Variants in GK5 observed in about 807,000 individuals in gnomAD.
GK5 encodes the protein ATP:glycerol 3-phosphotransferase 5.
Under a neutral mutation model 77.3 loss-of-function variants are expected in GK5, and 39 were observed. That is an observed-to-expected ratio of 0.50 (90% CI 0.39 to 0.66). The LOEUF (loss-of-function observed/expected upper bound fraction) is 0.66, where lower values mean the gene tolerates loss of function less well. Ranked by LOEUF, GK5 falls within the 30% of genes least tolerant of loss-of-function variation. The pLI, the probability that GK5 is intolerant of heterozygous loss-of-function variation, is 0.00. For missense variants in GK5, 487 were observed against 633.8 expected, an observed-to-expected ratio of 0.77 and a Z score of 2.49; for synonymous variants, 211 against 208.0, an observed-to-expected ratio of 1.01 and a Z score of -0.13.
At chr3:142,222,219 A>C (rs991154939) in intron 1 of GK5, among the ~76,000 whole-genome samples, 1 of 152,212 alleles carries the variant, frequency 6.6e-6, no homozygotes, top group Non-Finnish European at 1.5e-5. Flanking sequence ...TGTTCCCAAA[A>C]AACTCAAATT....
chr3:142,166,540 C>CT (rs531387504), intron 15 of GK5, among the ~76,000 whole-genome samples: 2,501 of 147,624 alleles, frequency 0.017, 29 homozygotes, highest in Non-Finnish European at 0.025. Context: ...AGCAAGAGAA[C>CT]TTTTTTTTTT....
At chr3:142,183,146 T>C in intron 9 of GK5, 97 bp from the exon 10 acceptor site, 1 of 1,078,002 alleles carries the variant, frequency 9.3e-7, no homozygotes, top group Non-Finnish European at 1.3e-6. Flanking sequence ...TGATTAAACA[T>C]CTTCGTTTCT....
chr3:142,157,553 C>T lies in GK5; in HGVS notation c.*8069G>A, dbSNP rs550966744. ...ACAATATAAAAATGGCTTTAATATA[C>T]CAACGTACAGATTATTCAGTTCCAT... is the stretch of plus-strand genomic sequence containing the variant. On this transcript the variant is annotated 3_prime_UTR_variant, in exon 16 of 16. Coordinates refer to ENST00000392993, the MANE Select transcript of GK5 (RefSeq NM_001039547.3). 19 of 152,244 alleles carry T rather than the reference C, an allele frequency of 1.2e-4. No homozygotes were observed. The South Asian group carries it at 3.7e-3, about 30-fold the overall frequency. 9.4% of individuals were successfully genotyped at this position (152,244 alleles called of 1,614,324 possible).
chr3:142,178,853 T>A (rs1014878721), intron 11 of GK5, among the ~76,000 whole-genome samples: 34 of 152,228 alleles, frequency 2.2e-4, no homozygotes, highest in African/African-American at 8.2e-4. Context: ...CAAATAGTTT[T>A]TCAAAGTGGC....
chr3:142,217,376 T>C (rs1456766778), intron 1 of GK5, among the ~76,000 whole-genome samples: 2 of 152,074 alleles, frequency 1.3e-5, no homozygotes, highest in Non-Finnish European at 2.9e-5. Context: ...AAAAATGTAC[T>C]GATCAAAATT....
chr3:142,225,275 T>C, intron 1 of GK5, 34 bp downstream of exon 1: 1 of 1,509,506 alleles, frequency 6.6e-7, no homozygotes, highest in Admixed American at 2.1e-5. Flanking sequence ...CGAAACCCAG[T>C]CAGACCCGCG....
At chr3:142,176,497 A>T (rs533407201) in intron 12 of GK5, among the ~76,000 whole-genome samples, 22 of 152,204 alleles carry the variant, frequency 1.4e-4, no homozygotes, top group African/African-American at 5.3e-4. Flanking sequence ...AGTTGTTTTA[A>T]AAGTATTTGT....
At chr3:142,222,368 ACCCTGGCTAACACGGTGAAAC>A (rs2064362670) in intron 1 of GK5, among the ~76,000 whole-genome samples, 1 of 152,108 alleles carries the variant, frequency 6.6e-6, no homozygotes, top group Non-Finnish European at 1.5e-5. Flanking sequence ...TATCGAGACC[ACCCTGGCTAACACGGTGAAAC>A]CCCATGTCTA....
intron 9 of GK5, chr3:142,183,288 TTTG>T (rs1347163551): frequency 9.6e-6 from 3 of 312,988 alleles, no homozygotes; most frequent in South Asian, 8.1e-5. Flanking sequence ...TTTATTTTGG[TTTG>T]TTGTTGTTTT....
Position 142,162,828 on chromosome 3 carries a change from T to A in GK5, c.*2794A>T, listed in dbSNP as rs970056747. ...CTGGCCAACATGGTAAAACCCTGTC[T>A]CTACTAAAAATACAAAAATCAGCTG... On this transcript the variant is annotated 3_prime_UTR_variant, in exon 16 of 16. Coordinates refer to ENST00000392993, the MANE Select transcript of GK5 (RefSeq NM_001039547.3). 3 of 151,958 alleles carry A rather than the reference T, an allele frequency of 2.0e-5. No homozygotes were observed. Among genetic ancestry groups the A allele is most frequent in the African/African-American group, 7.3e-5 (3 of 41,330 alleles). The allele number at this position is 151,958 out of a possible 1,614,324, so 9.4% of individuals were successfully genotyped here.
At chr3:142,212,753 TACTATACAGTA>T (rs368618095) in intron 3 of GK5, among the ~76,000 whole-genome samples, 1,687 of 152,190 alleles carry the variant, frequency 0.011, 37 homozygotes, top group African/African-American at 0.039. Context: ...CACAGATGTT[TACTATACAGTA>T]GCTATTACAA....
At chr3:142,173,440 T>C (rs1357486442) in intron 12 of GK5, among the ~76,000 whole-genome samples, 1 of 151,856 alleles carries the variant, frequency 6.6e-6, no homozygotes, top group African/African-American at 2.4e-5. Flanking sequence ...TCCTAGCACT[T>C]TGGGAGGCCG....
At chr3:142,218,484 C>T (rs759502436) in intron 1 of GK5, among the ~76,000 whole-genome samples, 13 of 145,816 alleles carry the variant, frequency 8.9e-5, no homozygotes, top group African/African-American at 3.1e-4. Flanking sequence ...AGAGGTTCAG[C>T]GAGCCGAGAT....
intron 5 of GK5, among the ~76,000 whole-genome samples, chr3:142,196,887 A>G (rs1018013857): frequency 1.3e-5 from 2 of 152,072 alleles, no homozygotes; most frequent in African/African-American, 2.4e-5. Context: ...TAGTTATTCT[A>G]TCCATTATTG....
Position 142,201,918 on chromosome 3 carries a change from C to T in GK5, c.411+2777G>A, listed in dbSNP as rs1251593390. 3.9e-5 allele frequency among the ~76,000 whole-genome samples: 6 copies of T among 152,126 alleles called. No homozygotes were observed. In the East Asian group the frequency reaches 7.7e-4, roughly 20 times the overall value. Reference sequence around the variant, plus strand: ...TAAGTACAATGAAGGAAACAAAGGGCAACATAAGAGATTGAGGGCAAGGGG... The same window carrying T: ...TAAGTACAATGAAGGAAACAAAGGGTAACATAAGAGATTGAGGGCAAGGGG... On this transcript the variant is annotated intron_variant, in intron 4 of 15. Transcript: ENST00000392993.
intron 7 of GK5, 35 bp downstream of exon 7, chr3:142,186,417 T>A (rs9857725): frequency 8.3e-7 from 1 of 1,209,732 alleles, no homozygotes; most frequent in Non-Finnish European, 1.2e-6. Flanking sequence ...TACACAAAAA[T>A]GTGTGATTCA....
chr3:142,198,222 A>G, intron 5 of GK5, among the ~76,000 whole-genome samples: 1 of 152,256 alleles, frequency 6.6e-6, no homozygotes, highest in East Asian at 1.9e-4. Context: ...AATAGCAATG[A>G]AAATATAAGC....
At chr3:142,199,160 C>G (rs901231457) in intron 4 of GK5, among the ~76,000 whole-genome samples, 1 of 151,920 alleles carries the variant, frequency 6.6e-6, no homozygotes, top group Non-Finnish European at 1.5e-5. Flanking sequence ...TTAGCAAATA[C>G]CAGATGCTCA....
intron 10 of GK5, among the ~76,000 whole-genome samples, chr3:142,181,926 A>C (rs1228395021): frequency 6.6e-6 from 1 of 152,248 alleles, no homozygotes; most frequent in Admixed American, 6.5e-5. Context: ...TAAATATTTT[A>C]CTTGAGAAAT....
Sources: gnomAD v4.1 joint callset for allele counts (sites outside exome capture counted in the v4.1 genomes callset) on GRCh38, gnomAD v4.1.1 for gene constraint, MANE v1.5 for transcripts, NCBI Gene and HGNC (gene_info 2026-07-23, HGNC 2026-07-21) for gene names.